Variants in LPP observed in about 807,000 individuals in gnomAD.
LPP encodes lipoma-preferred partner.
LPP carries 38 observed loss-of-function variants against 60.4 expected under a neutral mutation model. The observed-to-expected ratio is 0.63, with a 90% CI of 0.49 to 0.83. The LOEUF (loss-of-function observed/expected upper bound fraction) is 0.83. Ranked by LOEUF, LPP falls within the 40% of genes least tolerant of loss-of-function variation. The pLI is 0.00. For synonymous variants in LPP, 328 were observed against 290.8 expected (o/e 1.13, Z -1.30); for missense variants, 902 against 783.6 (o/e 1.15, Z -1.80).
chr3:188,543,338 A>C (rs940403526), intron 6 of LPP, among the ~76,000 whole-genome samples: 25 of 152,220 alleles, frequency 1.6e-4, no homozygotes, highest in African/African-American at 6.0e-4. Context: ...AAATTGCTTA[A>C]AAACCAAGCA....
rs1414925456 is a variant in LPP at position 188,887,479 on chromosome 3, C to T, written c.*13000C>T. 7.9e-5 allele frequency: 17 copies of T among 215,828 alleles called. No individual in the cohort carries two copies. Among genetic ancestry groups the T allele is most frequent in the South Asian group, 1.9e-4 (1 of 5,376 alleles). The allele number at this position is 215,828 out of a possible 1,614,324, so 13.4% of individuals were successfully genotyped here. A position where few individuals can be genotyped will look rare whatever the true frequency, so the allele number is the denominator to read the frequency against. On this transcript the variant is annotated 3_prime_UTR_variant, in exon 12 of 12. Coordinates refer to ENST00000617246, the MANE Select transcript of LPP (RefSeq NM_001375462.1). ...GAGATTTTTATAATTTAAATGCCAACGACAGGAATGGCCTCATGTTTTAAC... is the reference window on the plus strand; with the variant it reads ...GAGATTTTTATAATTTAAATGCCAATGACAGGAATGGCCTCATGTTTTAAC...
intron 2 of LPP, among the ~76,000 whole-genome samples, chr3:188,274,966 A>T (rs1277682879): frequency 6.6e-6 from 1 of 152,216 alleles, no homozygotes; most frequent in African/African-American, 2.4e-5. Context: ...ATGAAAATTG[A>T]CAGTCAAGCT....
At chr3:188,618,244 G>A (rs1309899365) in intron 7 of LPP, among the ~76,000 whole-genome samples, 3 of 152,158 alleles carry the variant, frequency 2.0e-5, no homozygotes, top group African/African-American at 4.8e-5. Flanking sequence ...TGTTTGATCT[G>A]TTTCATCTTT....
chr3:188,430,307 T>A (rs945937904), intron 4 of LPP, among the ~76,000 whole-genome samples: 2 of 152,170 alleles, frequency 1.3e-5, no homozygotes, highest in Non-Finnish European at 2.9e-5. Flanking sequence ...GTGATTTTTT[T>A]AACAACTTTC....
chr3:188,580,907 T>C (rs1835926579), intron 6 of LPP, among the ~76,000 whole-genome samples: 2 of 152,060 alleles, frequency 1.3e-5, no homozygotes, highest in South Asian at 4.1e-4. Context: ...CAATGAGAAT[T>C]CCTTCTTCTT....
At chr3:188,607,458 G>T (rs1348047131) in intron 6 of LPP, among the ~76,000 whole-genome samples, 1 of 138,448 alleles carries the variant, frequency 7.2e-6, no homozygotes, top group East Asian at 2.2e-4. Flanking sequence ...TTACATCACG[G>T]GAGCTGGAAG....
chr3:188,539,237 G>A (rs771678768), intron 6 of LPP, among the ~76,000 whole-genome samples: 37 of 152,154 alleles, frequency 2.4e-4, no homozygotes, highest in Non-Finnish European at 4.6e-4. Flanking sequence ...ACATGGCATT[G>A]GGAGTGGCCT....
At chr3:188,440,810 T>G (rs1793587908) in intron 4 of LPP, among the ~76,000 whole-genome samples, 1 of 152,170 alleles carries the variant, frequency 6.6e-6, no homozygotes, top group African/African-American at 2.4e-5. Context: ...CCTTTACATA[T>G]CTTTACCTCC....
At chr3:188,242,011 T>G (rs1458060954) in intron 2 of LPP, among the ~76,000 whole-genome samples, 2 of 152,050 alleles carry the variant, frequency 1.3e-5, no homozygotes, top group South Asian at 2.1e-4. Context: ...TTACAGTGAG[T>G]GATGAGGCCA....
chr3:188,414,606 CT>C (rs1785697032), intron 4 of LPP, among the ~76,000 whole-genome samples: 1 of 152,124 alleles, frequency 6.6e-6, no homozygotes. Flanking sequence ...CTGTAAAATT[CT>C]AGAACCAGGG....
At chr3:188,834,419 T>C (rs1397960015) in intron 9 of LPP, among the ~76,000 whole-genome samples, 1 of 147,778 alleles carries the variant, frequency 6.8e-6, no homozygotes, top group Admixed American at 6.9e-5. Context: ...TTGATGCTAG[T>C]GTGAACTCTC....
At chr3:188,216,538 T>A (rs1713690497) in intron 1 of LPP, among the ~76,000 whole-genome samples, 3 of 152,212 alleles carry the variant, frequency 2.0e-5, no homozygotes, top group Non-Finnish European at 2.9e-5. Flanking sequence ...CCCAAAGTGA[T>A]GGGATTACAG....
intron 9 of LPP, among the ~76,000 whole-genome samples, chr3:188,806,538 C>T (rs1343294036): frequency 6.6e-6 from 1 of 151,800 alleles, no homozygotes; most frequent in African/African-American, 2.4e-5. Flanking sequence ...ACACTATTTA[C>T]ATTTGATGTG....
chr3:188,252,938 A>AT (rs1459905079), intron 2 of LPP, among the ~76,000 whole-genome samples: 3 of 151,900 alleles, frequency 2.0e-5, no homozygotes, highest in Non-Finnish European at 2.9e-5. Context: ...TACCAAGCTA[A>AT]TTTTTTGTAT....
intron 5 of LPP, among the ~76,000 whole-genome samples, chr3:188,517,178 C>T (rs1197893679): frequency 6.6e-6 from 1 of 152,068 alleles, no homozygotes; most frequent in African/African-American, 2.4e-5. Flanking sequence ...CCCGAGAGCT[C>T]AGGTGAATTG....
intron 4 of LPP, among the ~76,000 whole-genome samples, chr3:188,412,270 G>A (rs1028917092): frequency 6.6e-6 from 1 of 152,002 alleles, no homozygotes; most frequent in Non-Finnish European, 1.5e-5. Context: ...GTATACAAGA[G>A]GAGACATTTT....
In LPP at chr3:188,370,424, G is replaced by A. The variant is rs183540544; in HGVS notation, c.-10+28705G>A. Among the ~76,000 whole-genome samples the A allele has an allele frequency of 5.3e-5, 8 of 152,212 alleles. No individual in the cohort carries two copies. In the East Asian group the frequency reaches 1.4e-3, roughly 26 times the overall value. On this transcript the variant is annotated intron_variant, in intron 3 of 11. Transcript: ENST00000617246. ...GGGTAACTCTCTAGCAATCCCAGGT[G>A]TGTTATGTTGTCAGCATCCTCATCT...
chr3:188,305,581 C>T (rs1429790729), intron 2 of LPP, among the ~76,000 whole-genome samples: 1 of 151,980 alleles, frequency 6.6e-6, no homozygotes, highest in Non-Finnish European at 1.5e-5. Context: ...TTTTTCTCAA[C>T]GCAACACACA....
At chr3:188,812,899 T>C (rs1436733123) in intron 9 of LPP, among the ~76,000 whole-genome samples, 2 of 150,308 alleles carry the variant, frequency 1.3e-5, no homozygotes, top group East Asian at 3.9e-4. Context: ...AAATTACACT[T>C]TTTTTTTTAT....
Sources: gnomAD v4.1 joint callset for allele counts (sites outside exome capture counted in the v4.1 genomes callset) on GRCh38, gnomAD v4.1.1 for gene constraint, MANE v1.5 for transcripts, NCBI Gene and HGNC (gene_info 2026-07-23, HGNC 2026-07-21) for gene names.